KHDRBS2: variants seen among roughly 807,000 people sequenced by gnomAD.
The protein encoded by KHDRBS2 is KH RNA binding domain containing, signal transduction associated 2.
KHDRBS2 carries 26 observed loss-of-function variants against 44.3 expected under a neutral mutation model. That is an observed-to-expected ratio of 0.59 (90% confidence interval 0.43 to 0.81). The LOEUF is 0.81. Ranked by LOEUF, KHDRBS2 falls within the 40% of genes least tolerant of loss-of-function variation. The pLI, the probability that KHDRBS2 is intolerant of heterozygous loss-of-function variation, is 0.00. For missense variants in KHDRBS2, 476 were observed against 433.1 expected (o/e 1.10, Z -0.88); for synonymous variants, 194 against 151.1 (o/e 1.28, Z -2.08).
At chr6:62,042,372 A>G (rs1335141393) in intron 3 of KHDRBS2, among the ~76,000 whole-genome samples, 1 of 152,140 alleles carries the variant, frequency 6.6e-6, no homozygotes, top group Admixed American at 6.6e-5. Flanking sequence ...TTTCCTTCAG[A>G]AGGCCAGTCA....
chr6:62,077,251 C>T (rs115045664), intron 2 of KHDRBS2, among the ~76,000 whole-genome samples: 1,766 of 152,056 alleles, frequency 0.012, 34 homozygotes, highest in African/African-American at 0.04. Context: ...TTTAAGAAGG[C>T]TGACTCCAGG....
chr6:61,729,102 A>T (rs1774030192), intron 7 of KHDRBS2, among the ~76,000 whole-genome samples: 1 of 152,206 alleles, frequency 6.6e-6, no homozygotes, highest in Non-Finnish European at 1.5e-5. Flanking sequence ...GATAGACAGG[A>T]TAAAGAAAAT....
At chr6:61,822,697 G>T (rs574538) in intron 6 of KHDRBS2, among the ~76,000 whole-genome samples, 87,880 of 151,646 alleles carry the variant, frequency 0.58, 25,588 homozygotes, top group South Asian at 0.68. Flanking sequence ...CCCTACTCTA[G>T]GCTTTTGTGT....
intron 1 of KHDRBS2, among the ~76,000 whole-genome samples, chr6:62,234,248 G>A (rs1277687935): frequency 6.6e-6 from 1 of 152,054 alleles, no homozygotes; most frequent in Non-Finnish European, 1.5e-5. Flanking sequence ...TCAAGTTCTA[G>A]TTTACTACAT....
chr6:61,941,970 A>AC (rs1812227416), intron 4 of KHDRBS2, among the ~76,000 whole-genome samples: 2 of 151,954 alleles, frequency 1.3e-5, no homozygotes, highest in Non-Finnish European at 1.5e-5. Flanking sequence ...TTATTATTGT[A>AC]TTATTATTAT....
At chr6:61,776,473 C>A (rs1448946051) in intron 6 of KHDRBS2, among the ~76,000 whole-genome samples, 1 of 152,094 alleles carries the variant, frequency 6.6e-6, no homozygotes, top group Non-Finnish European at 1.5e-5. Flanking sequence ...AAAAAGTGGG[C>A]AAAAGACATG....
intron 6 of KHDRBS2, among the ~76,000 whole-genome samples, chr6:61,833,015 T>A (rs1386968816): frequency 6.6e-6 from 1 of 152,234 alleles, no homozygotes; most frequent in Non-Finnish European, 1.5e-5. Flanking sequence ...ACTTGGCATA[T>A]GTAATTTGTG....
chr6:61,744,631 T>C (rs1389240834), intron 6 of KHDRBS2, among the ~76,000 whole-genome samples: 1 of 152,154 alleles, frequency 6.6e-6, no homozygotes, highest in Non-Finnish European at 1.5e-5. Context: ...CAGATGGTTA[T>C]ACTGTTTCCT....
the KHDRBS2 span, among the ~76,000 whole-genome samples, chr6:61,557,079 C>A: frequency 5.3e-5 from 8 of 152,080 alleles, no homozygotes; most frequent in East Asian, 1.9e-4. Context: ...GGTAAAAATA[C>A]TTTTGCCCTC....
At chr6:62,033,041 A>C (rs946888965) in intron 3 of KHDRBS2, among the ~76,000 whole-genome samples, 1 of 151,994 alleles carries the variant, frequency 6.6e-6, no homozygotes, top group African/African-American at 2.4e-5. Context: ...TGAATCAAGC[A>C]GAATTCTGGA....
chr6:61,699,802 G>A (rs1582232150), intron 7 of KHDRBS2, among the ~76,000 whole-genome samples: 1 of 151,974 alleles, frequency 6.6e-6, no homozygotes, highest in African/African-American at 2.4e-5. Context: ...CAACATAAGT[G>A]TAAAGAAGCC....
At chr6:62,156,931 C>T (rs1273255815) in intron 2 of KHDRBS2, among the ~76,000 whole-genome samples, 2 of 150,468 alleles carry the variant, frequency 1.3e-5, no homozygotes, top group Non-Finnish European at 3.0e-5. Context: ...GTGATCCGCC[C>T]GCCTCGGCCT....
At chr6:61,569,953 T>G in the KHDRBS2 span, among the ~76,000 whole-genome samples, 1 of 152,098 alleles carries the variant, frequency 6.6e-6, no homozygotes, top group Non-Finnish European at 1.5e-5. Context: ...ACCTTTCCAC[T>G]GAAATAGTCT....
chr6:61,729,774 C>T (rs753616972), intron 7 of KHDRBS2, among the ~76,000 whole-genome samples: 6 of 151,890 alleles, frequency 4.0e-5, no homozygotes, highest in Non-Finnish European at 7.4e-5. Flanking sequence ...TTTTTTTGCC[C>T]ATTTTTAAAA....
chr6:61,994,659 T>C (rs186469166), intron 3 of KHDRBS2, among the ~76,000 whole-genome samples: 9 of 152,308 alleles, frequency 5.9e-5, no homozygotes, highest in Admixed American at 1.3e-4. Flanking sequence ...TGGTATGAGA[T>C]AAAGGTCAGA....
At chr6:61,634,925 A>G in the KHDRBS2 span, among the ~76,000 whole-genome samples, 3 of 151,952 alleles carry the variant, frequency 2.0e-5, no homozygotes, top group Admixed American at 6.6e-5. Flanking sequence ...GTTCCTTCCA[A>G]TTATTATCTA....
the KHDRBS2 span, chr6:61,652,129 C>A: frequency 1.3e-5 from 2 of 152,036 alleles, no homozygotes; most frequent in Non-Finnish European, 2.9e-5. Flanking sequence ...CTAATTCTCT[C>A]CTCTCTATGC....
chr6:61,590,228 AG>A, the KHDRBS2 span, among the ~76,000 whole-genome samples: 1 of 152,220 alleles, frequency 6.6e-6, no homozygotes, highest in African/African-American at 2.4e-5. Flanking sequence ...GACTATTAAA[AG>A]TATGGAGCAC....
intron 6 of KHDRBS2, among the ~76,000 whole-genome samples, chr6:61,797,122 C>T (rs937809817): frequency 1.3e-5 from 2 of 151,678 alleles, no homozygotes; most frequent in Non-Finnish European, 2.9e-5. Context: ...TACTAAATAC[C>T]CCTGAGGAAC....
Sources: gnomAD v4.1 joint callset for allele counts (sites outside exome capture counted in the v4.1 genomes callset) on GRCh38, gnomAD v4.1.1 for gene constraint, MANE v1.5 for transcripts, NCBI Gene and HGNC (gene_info 2026-07-23, HGNC 2026-07-21) for gene names.